Variants in TNIP3 observed in about 807,000 individuals in gnomAD.
TNIP3 encodes TNFAIP3-interacting protein 3.
Under a neutral mutation model 54.1 loss-of-function variants are expected in TNIP3, and 34 were observed. That is an observed-to-expected ratio of 0.63 (90% CI 0.48 to 0.84). The LOEUF (loss-of-function observed/expected upper bound fraction) is 0.84. Ranked by LOEUF, TNIP3 falls within the 40% of genes least tolerant of loss-of-function variation. The probability of loss-of-function intolerance (pLI) is 0.00; values close to 1 mark genes in which losing one functional copy is unlikely to be tolerated. For missense variants in TNIP3, 366 were observed against 387.6 expected (o/e 0.94, Z 0.47); for synonymous variants, 134 against 136.8 (o/e 0.98, Z 0.14).
intron 1 of TNIP3, among the ~76,000 whole-genome samples, chr4:121,227,125 G>A (rs932566337): frequency 4.6e-5 from 7 of 151,862 alleles, no homozygotes; most frequent in Admixed American, 3.3e-4. Context: ...GTGCACAAAG[G>A]GGCTAACTAA....
At chr4:121,192,899 A>G (rs1441928719) in intron 2 of TNIP3, 1 of 152,186 alleles carries the variant, frequency 6.6e-6, no homozygotes, top group Non-Finnish European at 1.5e-5. Context: ...TGCTGAAGTG[A>G]GCACAATTAT....
intron 2 of TNIP3, among the ~76,000 whole-genome samples, chr4:121,210,071 T>C (rs1014397250): frequency 6.6e-6 from 1 of 152,192 alleles, no homozygotes; most frequent in Non-Finnish European, 1.5e-5. Context: ...CTCTTAACCA[T>C]AATACTGATT....
intron 7 of TNIP3, among the ~76,000 whole-genome samples, chr4:121,146,180 T>C (rs1170745517): frequency 6.6e-6 from 1 of 152,174 alleles, no homozygotes; most frequent in Non-Finnish European, 1.5e-5. Flanking sequence ...AACAATTTTT[T>C]CCATGTAAAA....
chr4:121,174,800 T>C (rs888172093), intron 3 of TNIP3, among the ~76,000 whole-genome samples: 1 of 152,146 alleles, frequency 6.6e-6, no homozygotes, highest in African/African-American at 2.4e-5. Context: ...GTAAAAAGTG[T>C]TTTTATTACA....
At chr4:121,139,534 G>A (rs1025046875) in intron 9 of TNIP3, among the ~76,000 whole-genome samples, 4 of 152,022 alleles carry the variant, frequency 2.6e-5, no homozygotes, top group African/African-American at 7.2e-5. Flanking sequence ...AGATTTTTTT[G>A]TTGTTCTGTA....
At chr4:121,186,409 T>C (rs143682240) in intron 2 of TNIP3, among the ~76,000 whole-genome samples, 42 of 152,302 alleles carry the variant, frequency 2.8e-4, no homozygotes, top group African/African-American at 9.9e-4. Context: ...CCAATATGAT[T>C]GACATTGTCA....
intron 10 of TNIP3, among the ~76,000 whole-genome samples, chr4:121,136,288 G>C (rs549742892): frequency 3.3e-4 from 51 of 152,242 alleles, no homozygotes; most frequent in African/African-American, 1.0e-3. Flanking sequence ...ATCTATGTTA[G>C]AGTCCCCTTC....
chr4:121,131,990 A>C lies in TNIP3; in HGVS notation c.*641T>G, dbSNP rs1267565221. ...TGATGCAGGCGCACAATTTCTCATC[A>C]TCTTAAAGAAATGATCTGTCTAAGG... On this transcript the variant is annotated 3_prime_UTR_variant, in exon 11 of 11. Coordinates refer to ENST00000057513, the MANE Select transcript of TNIP3 (RefSeq NM_024873.6). 6.6e-6 allele frequency: 1 copy of C among 152,164 alleles called. No homozygotes were observed. Among genetic ancestry groups the C allele is most frequent in the Admixed American group, 6.6e-5 (1 of 15,258 alleles). 9.4% of individuals were successfully genotyped at this position (152,164 alleles called of 1,614,324 possible).
chr4:121,165,686 T>G (rs1462835457), upstream of TNIP3, among the ~76,000 whole-genome samples: 2 of 152,056 alleles, frequency 1.3e-5, no homozygotes, highest in African/African-American at 4.8e-5. Flanking sequence ...TGTGTGTGTG[T>G]GTGTGTTTAC....
chr4:121,170,395 G>C (rs147091377), intron 3 of TNIP3, among the ~76,000 whole-genome samples: 1 of 152,122 alleles, frequency 6.6e-6, no homozygotes, highest in Non-Finnish European at 1.5e-5. Context: ...CAATGACCAC[G>C]GGGATACACA....
intron 3 of TNIP3, among the ~76,000 whole-genome samples, chr4:121,169,620 C>T (rs1730960630): frequency 6.6e-6 from 1 of 152,200 alleles, no homozygotes; most frequent in Admixed American, 6.5e-5. Context: ...TACAAATTGC[C>T]TTCCTTACCC....
At chr4:121,199,036 T>C (rs1242726770) in intron 2 of TNIP3, among the ~76,000 whole-genome samples, 1 of 152,134 alleles carries the variant, frequency 6.6e-6, no homozygotes. Flanking sequence ...TAAGAGGAAG[T>C]TTAGTGAAAT....
At chr4:121,141,155 TC>T (rs567733347) in intron 9 of TNIP3, among the ~76,000 whole-genome samples, 166 of 152,272 alleles carry the variant, frequency 1.1e-3, no homozygotes, top group Non-Finnish European at 3.7e-4. Flanking sequence ...TAAATTTCTA[TC>T]TATGTAGGCA....
chr4:121,213,584 G>A (rs777294219), intron 2 of TNIP3, among the ~76,000 whole-genome samples: 7 of 151,654 alleles, frequency 4.6e-5, no homozygotes, highest in East Asian at 3.9e-4. Flanking sequence ...AAAATTAGCC[G>A]GGCGTGGTGG....
chr4:121,207,747 C>T (rs760455594), intron 2 of TNIP3, among the ~76,000 whole-genome samples: 3 of 152,140 alleles, frequency 2.0e-5, no homozygotes, highest in Non-Finnish European at 4.4e-5. Context: ...TCCAAGCTGA[C>T]CTTATTCACT....
At chr4:121,144,301 C>G (rs1417212576) in intron 7 of TNIP3, among the ~76,000 whole-genome samples, 1 of 152,180 alleles carries the variant, frequency 6.6e-6, no homozygotes, top group Non-Finnish European at 1.5e-5. Context: ...CTAAATGAAA[C>G]TATTAAACAT....
upstream of TNIP3, among the ~76,000 whole-genome samples, chr4:121,220,488 C>CT (rs950971754): frequency 6.6e-6 from 1 of 151,998 alleles, no homozygotes; most frequent in East Asian, 1.9e-4. Context: ...TAATTAACTA[C>CT]TTTTTTTTTG....
At chr4:121,168,302 G>C (rs1457362533), upstream of TNIP3, among the ~76,000 whole-genome samples, 1 of 151,918 alleles carries the variant, frequency 6.6e-6, no homozygotes, top group African/African-American at 2.4e-5. Flanking sequence ...CGCCTCGTGG[G>C]TTCAAGCAAT....
At chr4:121,187,740 C>T (rs1488622067) in intron 2 of TNIP3, among the ~76,000 whole-genome samples, 1 of 152,068 alleles carries the variant, frequency 6.6e-6, no homozygotes, top group Non-Finnish European at 1.5e-5. Flanking sequence ...ATATTTTTGA[C>T]CAAAGTCCAT....
Sources: gnomAD v4.1 joint callset for allele counts (sites outside exome capture counted in the v4.1 genomes callset) on GRCh38, gnomAD v4.1.1 for gene constraint, MANE v1.5 for transcripts, NCBI Gene and HGNC (gene_info 2026-07-23, HGNC 2026-07-21) for gene names.